CTNNA2: variants seen among roughly 807,000 people sequenced by gnomAD.
The protein encoded by CTNNA2 is catenin alpha 2, also known as catenin alpha-2.
CTNNA2 carries 42 observed loss-of-function variants against 101.0 expected under a neutral mutation model. The observed-to-expected ratio is 0.42, with a 90% CI of 0.32 to 0.54. The LOEUF (loss-of-function observed/expected upper bound fraction) is 0.54, where lower values mean the gene tolerates loss of function less well. Among genes scored for constraint, CTNNA2 ranks in the 20% least tolerant of loss-of-function variants. The pLI, the probability that CTNNA2 is intolerant of heterozygous loss-of-function variation, is 0.14. For synonymous variants in CTNNA2, 450 were observed against 456.4 expected (o/e 0.99, Z 0.18); for missense variants, 871 against 1,223.1 (o/e 0.71, Z 4.29).
chr2:79,648,437 C>T (rs1253458528), intron 1 of CTNNA2, among the ~76,000 whole-genome samples: 1 of 152,006 alleles, frequency 6.6e-6, no homozygotes, highest in African/African-American at 2.4e-5. Flanking sequence ...TCATGCAATT[C>T]CAATTGGCCA....
intron 1 of CTNNA2, among the ~76,000 whole-genome samples, chr2:79,608,245 C>T (rs1286395463): frequency 2.0e-5 from 3 of 151,962 alleles, no homozygotes; most frequent in Non-Finnish European, 4.4e-5. Context: ...AGCTCTCTAT[C>T]TCTTAAAAAA....
At chr2:80,009,677 AT>A (rs1693626680) in intron 7 of CTNNA2, among the ~76,000 whole-genome samples, 1 of 151,788 alleles carries the variant, frequency 6.6e-6, no homozygotes, top group South Asian at 2.1e-4. Context: ...ATCCTGAGCA[AT>A]TTTGAGGATA....
chr2:80,327,261 A>G (rs1227216570), intron 7 of CTNNA2, among the ~76,000 whole-genome samples: 3 of 152,266 alleles, frequency 2.0e-5, no homozygotes, highest in Non-Finnish European at 4.4e-5. Context: ...GGCTTCCTAC[A>G]GATTTGCAAA....
intron 3 of CTNNA2, among the ~76,000 whole-genome samples, chr2:79,778,572 CAT>C (rs1245848263): frequency 2.6e-5 from 4 of 152,002 alleles, no homozygotes; most frequent in African/African-American, 4.8e-5. Flanking sequence ...ATGCATAAAA[CAT>C]ATACGTATAT....
At chr2:79,209,022 G>A (rs1400652921) in intron 2 of CTNNA2, among the ~76,000 whole-genome samples, 2 of 152,156 alleles carry the variant, frequency 1.3e-5, no homozygotes, top group East Asian at 1.9e-4. Context: ...AACCTTAAAG[G>A]ATATTCATGT....
At chr2:79,845,881 A>G (rs1264598394) in intron 3 of CTNNA2, among the ~76,000 whole-genome samples, 1 of 152,158 alleles carries the variant, frequency 6.6e-6, no homozygotes, top group African/African-American at 2.4e-5. Context: ...AATCCTCTTA[A>G]TATAGGAAAT....
chr2:79,570,511 G>A (rs1454841369), intron 1 of CTNNA2, among the ~76,000 whole-genome samples: 7 of 152,032 alleles, frequency 4.6e-5, no homozygotes, highest in Non-Finnish European at 1.0e-4. Context: ...CATGAAATTT[G>A]CCGATTGTAA....
At chr2:79,236,601 C>T (rs936427116) in intron 2 of CTNNA2, among the ~76,000 whole-genome samples, 2 of 152,230 alleles carry the variant, frequency 1.3e-5, no homozygotes, top group African/African-American at 4.8e-5. Flanking sequence ...GCCTTTCACT[C>T]ACTATAGAAC....
chr2:79,856,623 C>A (rs1453854744), intron 3 of CTNNA2, among the ~76,000 whole-genome samples: 2 of 152,192 alleles, frequency 1.3e-5, no homozygotes, highest in Non-Finnish European at 2.9e-5. Context: ...AAGTGGATAT[C>A]CACCCACTGA....
At chr2:80,363,058 T>A (rs1674571114) in intron 7 of CTNNA2, among the ~76,000 whole-genome samples, 1 of 151,338 alleles carries the variant, frequency 6.6e-6, no homozygotes, top group Admixed American at 6.6e-5. Flanking sequence ...ACTTATTAAC[T>A]AATTCATCTA....
At chr2:79,635,298 G>C (rs1265224560) in intron 1 of CTNNA2, among the ~76,000 whole-genome samples, 1 of 151,924 alleles carries the variant, frequency 6.6e-6, no homozygotes, top group Non-Finnish European at 1.5e-5. Context: ...CGGGCGCGGT[G>C]GTGGGCGCCT....
chr2:79,281,250 G>A (rs1675373140), intron 2 of CTNNA2, among the ~76,000 whole-genome samples: 1 of 152,062 alleles, frequency 6.6e-6, no homozygotes, highest in Non-Finnish European at 1.5e-5. Context: ...CAGACTCTCT[G>A]ATCTGGAAAT....
At chr2:79,607,654 A>G (rs536872590) in intron 1 of CTNNA2, among the ~76,000 whole-genome samples, 8 of 152,266 alleles carry the variant, frequency 5.3e-5, no homozygotes, top group East Asian at 1.9e-4. Flanking sequence ...GGCAAATAAT[A>G]TATTTGTAAA....
chr2:80,479,032 G>A (rs1373934850), intron 9 of CTNNA2, among the ~76,000 whole-genome samples: 2 of 147,712 alleles, frequency 1.4e-5, no homozygotes, highest in African/African-American at 5.0e-5. Context: ...TAATTTTTTT[G>A]TGTCATCTAT....
At chr2:80,006,375 G>C (rs200594718) in intron 7 of CTNNA2, among the ~76,000 whole-genome samples, 1 of 130,842 alleles carries the variant, frequency 7.6e-6, no homozygotes, top group Non-Finnish European at 1.7e-5. Flanking sequence ...AAAAAAAAAA[G>C]AAAAAACAAA....
At chr2:80,115,015 TC>T (rs1340337464) in intron 7 of CTNNA2, among the ~76,000 whole-genome samples, 3 of 152,174 alleles carry the variant, frequency 2.0e-5, no homozygotes, top group Admixed American at 6.5e-5. Context: ...GTCTGCTTCT[TC>T]CAGAGCAGCC....
chr2:80,257,822 C>T (rs906579577), intron 7 of CTNNA2, among the ~76,000 whole-genome samples: 2 of 152,202 alleles, frequency 1.3e-5, no homozygotes, highest in African/African-American at 4.8e-5. Flanking sequence ...CAGAGATGCT[C>T]ATAGGGAAGT....
chr2:79,522,749 A>C (rs968056829), intron 1 of CTNNA2, among the ~76,000 whole-genome samples: 1 of 152,194 alleles, frequency 6.6e-6, no homozygotes. Context: ...ACTACTCGGT[A>C]GGTAGCTGAA....
At chr2:79,208,274 G>T (rs1228354786) in intron 2 of CTNNA2, among the ~76,000 whole-genome samples, 3 of 152,138 alleles carry the variant, frequency 2.0e-5, no homozygotes, top group African/African-American at 7.2e-5. Flanking sequence ...GCTCTGCAAT[G>T]GGTGCAAATG....
Sources: allele counts gnomAD v4.1 joint callset (sites outside exome capture counted in the v4.1 genomes callset), GRCh38; gene constraint gnomAD v4.1.1; transcripts MANE v1.5; gene names NCBI Gene and HGNC (gene_info 2026-07-23, HGNC 2026-07-21).